INPP4B: variants seen among roughly 807,000 people sequenced by gnomAD.
INPP4B encodes the protein inositol polyphosphate 4-phosphatase type II.
A neutral mutation model predicts 122.5 loss-of-function variants in INPP4B; 55 were observed. That is an observed-to-expected ratio of 0.45 (90% CI 0.36 to 0.56). The LOEUF (loss-of-function observed/expected upper bound fraction) is 0.56. INPP4B is among the 20% of genes least tolerant of loss of function. The pLI is 0.00. For synonymous variants in INPP4B, 403 were observed against 388.7 expected, an observed-to-expected ratio of 1.04 and a Z score of -0.43; for missense variants, 1,000 against 1,097.7, an observed-to-expected ratio of 0.91 and a Z score of 1.26.
intron 11 of INPP4B, among the ~76,000 whole-genome samples, chr4:142,257,335 G>C (rs950822714): frequency 2.0e-5 from 3 of 152,144 alleles, no homozygotes; most frequent in Admixed American, 2.0e-4. Flanking sequence ...ATTCAACATA[G>C]TGTTGGAAGT....
intron 21 of INPP4B, among the ~76,000 whole-genome samples, chr4:142,118,191 C>T (rs1794697773): frequency 6.6e-6 from 1 of 152,004 alleles, no homozygotes; most frequent in Non-Finnish European, 1.5e-5. Context: ...ATAGGAAGAA[C>T]CAATATCGTG....
Position 142,344,616 on chromosome 4 carries a change from G to A in INPP4B, c.373-29854C>T, listed in dbSNP as rs369950141. On this transcript the variant is annotated intron_variant, in intron 7 of 25. Transcript: ENST00000262992. ...GATATTACTTGACAATATGATAAGG[G>A]CCCATCACTCAAAATGCTAATCGTT... Among the ~76,000 whole-genome samples the A allele has an allele frequency of 8.5e-5, 13 of 152,088 alleles. No homozygotes were observed. The East Asian group carries it at 2.3e-3, about 27-fold the overall frequency.
intron 2 of INPP4B, among the ~76,000 whole-genome samples, chr4:142,500,906 T>C (rs1412472425): frequency 6.6e-6 from 1 of 151,968 alleles, no homozygotes; most frequent in Non-Finnish European, 1.5e-5. Flanking sequence ...GTTCAATAAA[T>C]ACAAAGTTTC....
chr4:142,778,983 T>C (rs1460989170), intron 1 of INPP4B, among the ~76,000 whole-genome samples: 3 of 152,056 alleles, frequency 2.0e-5, no homozygotes, highest in Admixed American at 1.3e-4. Context: ...CCCATGAATA[T>C]AGGAATCAAT....
intron 2 of INPP4B, among the ~76,000 whole-genome samples, chr4:142,599,062 G>C (rs1371486459): frequency 1.3e-5 from 2 of 152,174 alleles, no homozygotes; most frequent in Non-Finnish European, 2.9e-5. Context: ...GGGGCTGTCA[G>C]TAGTGACGCC....
At chr4:142,156,462 A>C (rs1484713312) in intron 17 of INPP4B, among the ~76,000 whole-genome samples, 1 of 152,112 alleles carries the variant, frequency 6.6e-6, no homozygotes, top group East Asian at 1.9e-4. Context: ...GAAAAGTAAT[A>C]TGTCATCTTA....
intron 2 of INPP4B, among the ~76,000 whole-genome samples, chr4:142,702,991 G>A (rs1580737451): frequency 6.6e-6 from 1 of 152,278 alleles, no homozygotes; most frequent in East Asian, 1.9e-4. Flanking sequence ...GTGAGTTTAA[G>A]CTTGGCTCAG....
chr4:142,294,975 A>T (rs1019743754), intron 9 of INPP4B, among the ~76,000 whole-genome samples: 2 of 151,904 alleles, frequency 1.3e-5, no homozygotes, highest in African/African-American at 4.8e-5. Flanking sequence ...GAGGACATAT[A>T]AAGTTTCAAG....
At chr4:142,072,520 G>T (rs1478368365) in intron 25 of INPP4B, among the ~76,000 whole-genome samples, 1 of 146,770 alleles carries the variant, frequency 6.8e-6, no homozygotes, top group Admixed American at 6.8e-5. Flanking sequence ...TGCAACAGAT[G>T]ATATGAATAG....
At chr4:142,343,583 C>T (rs12641576) in intron 7 of INPP4B, among the ~76,000 whole-genome samples, 32,743 of 151,732 alleles carry the variant, frequency 0.22, 4,437 homozygotes, top group East Asian at 0.46. Context: ...TTTCTTTTTA[C>T]ATGAATTCCA....
At chr4:142,569,465 T>A (rs1030836307) in intron 2 of INPP4B, among the ~76,000 whole-genome samples, 6 of 152,072 alleles carry the variant, frequency 3.9e-5, no homozygotes, top group African/African-American at 1.4e-4. Context: ...TGAATTTGCA[T>A]AACAAACAAA....
intron 25 of INPP4B, among the ~76,000 whole-genome samples, chr4:142,057,433 G>T (rs1511253): frequency 0.89 from 135,270 of 152,060 alleles, 61,693 homozygotes; most frequent in Non-Finnish European, 0.98. Context: ...ATTTATCTAT[G>T]TTCATTTATG....
intron 14 of INPP4B, among the ~76,000 whole-genome samples, chr4:142,196,202 A>C (rs556054536): frequency 2.7e-4 from 41 of 152,260 alleles, no homozygotes; most frequent in African/African-American, 9.9e-4. Context: ...GCTGTTCTGT[A>C]AGTTCTGACG....
chr4:142,845,830 G>A (rs1477196644), intron 1 of INPP4B, among the ~76,000 whole-genome samples: 1 of 152,130 alleles, frequency 6.6e-6, no homozygotes, highest in Non-Finnish European at 1.5e-5. Flanking sequence ...GGACAGCGCA[G>A]GTGGGCGCAG....
At chr4:142,175,593 A>G (rs1219773712) in intron 15 of INPP4B, among the ~76,000 whole-genome samples, 1 of 150,100 alleles carries the variant, frequency 6.7e-6, no homozygotes, top group Non-Finnish European at 1.5e-5. Context: ...ATTTGCTATC[A>G]TGTATGTCTT....
rs889918956 is a variant in INPP4B at position 142,563,895 on chromosome 4, G to A, written c.-190-101169C>T. On this transcript the variant is annotated intron_variant, in intron 2 of 25. Transcript: ENST00000262992. ...AACAGTCAGCTAATCCCCCGAAGCA[G>A]AGCCTTTTCACTGACCAGCAGCTGC... Among the ~76,000 whole-genome samples the A allele has an allele frequency of 3.9e-5, 6 of 152,132 alleles. No homozygotes were observed. In the South Asian group the frequency reaches 1.2e-3, roughly 31 times the overall value.
At chr4:142,399,712 A>G (rs1325539307) in intron 7 of INPP4B, among the ~76,000 whole-genome samples, 1 of 152,204 alleles carries the variant, frequency 6.6e-6, no homozygotes, top group Non-Finnish European at 1.5e-5. Context: ...ATGGGCTTCA[A>G]TTTCAGGCTT....
chr4:142,710,284 G>T (rs972523180), intron 2 of INPP4B, among the ~76,000 whole-genome samples: 1 of 152,156 alleles, frequency 6.6e-6, no homozygotes, highest in South Asian at 2.1e-4. Context: ...TTGATTTCCA[G>T]TTTGTGATTA....
intron 2 of INPP4B, among the ~76,000 whole-genome samples, chr4:142,580,179 T>G (rs1734767684): frequency 6.6e-6 from 1 of 151,652 alleles, no homozygotes; most frequent in African/African-American, 2.4e-5. Flanking sequence ...GCCCCAGGAC[T>G]AGAAGACTGG....
Sources: allele counts gnomAD v4.1 joint callset (sites outside exome capture counted in the v4.1 genomes callset), GRCh38; gene constraint gnomAD v4.1.1; transcripts MANE v1.5; gene names NCBI Gene and HGNC (gene_info 2026-07-23, HGNC 2026-07-21).